LCA5: variants seen among roughly 807,000 people sequenced by gnomAD.
LCA5 encodes the protein lebercilin.
A neutral mutation model predicts 53.0 loss-of-function variants in LCA5; 37 were observed. That is an observed-to-expected ratio of 0.70 (90% CI 0.54 to 0.92). The LOEUF is 0.92. LCA5 is among the 40% of genes least tolerant of loss of function. The pLI, the probability that LCA5 is intolerant of heterozygous loss-of-function variation, is 0.00. For missense variants in LCA5, 806 were observed against 790.5 expected, an observed-to-expected ratio of 1.02 and a Z score of -0.23; for synonymous variants, 303 against 282.9, an observed-to-expected ratio of 1.07 and a Z score of -0.71.
intron 3 of LCA5, among the ~76,000 whole-genome samples, chr6:79,496,662 A>G (rs1316586446): frequency 1.3e-5 from 2 of 152,186 alleles, no homozygotes; most frequent in African/African-American, 4.8e-5. Context: ...TTAGCTGAGG[A>G]GTAGTGGGCA....
intron 3 of LCA5, among the ~76,000 whole-genome samples, chr6:79,501,329 T>C (rs900863973): frequency 1.3e-5 from 2 of 152,108 alleles, no homozygotes; most frequent in African/African-American, 2.4e-5. Flanking sequence ...ACACTAATTT[T>C]ATGCCAGAGA....
In LCA5 at chr6:79,489,975, T is replaced by G. The variant is rs377386963; in HGVS notation, c.1099-759A>C. On this transcript the variant is annotated intron_variant, in intron 6 of 7. Transcript: ENST00000369846. ...AAAACCAAATGCTGCTTCCCCTCCA[T>G]TTCCTTGTTGCCCTTTCCCACAGGG... 3.9e-5 allele frequency among the ~76,000 whole-genome samples: 6 copies of G among 152,064 alleles called. No individual in the cohort carries two copies. In the East Asian group the frequency reaches 1.2e-3, roughly 29 times the overall value.
In LCA5 at chr6:79,489,070, A is replaced by G. The variant is rs1562094302; in HGVS notation, c.1231+14T>C. 4.3e-6 allele frequency: 7 copies of G among 1,612,014 alleles called. No homozygotes were observed. Among genetic ancestry groups the G allele is most frequent in the Non-Finnish European group, 5.9e-6 (7 of 1,179,554 alleles). ...GCTGACTTGTCACATGCTTAAACAA[A>G]CTCTTTTTCTTACCATCCTCCAGCT... On this transcript the variant is annotated intron_variant, in intron 7 of 7. Coordinates refer to ENST00000369846, the MANE Select transcript of LCA5 (RefSeq NM_001122769.3).
chr6:79,526,347 A>T (rs1209411618), intron 1 of LCA5, among the ~76,000 whole-genome samples: 1 of 152,132 alleles, frequency 6.6e-6, no homozygotes, highest in Non-Finnish European at 1.5e-5. Context: ...GATGGAGACC[A>T]TCCTGGCTAA....
chr6:79,518,788 G>A lies in LCA5; in HGVS notation c.107C>T (p.Ser36Leu). The change falls in exon 2 of 8, where the codon TCA (serine) becomes TTA (leucine). Residue 36 changes from serine (S) to leucine (L), a missense_variant. Transcript: ENST00000369846. ...TGCAGGTGAAGAACTGACCAGCGAT[G>A]ATCGGCCAGAAGACTGTGGCGTTTC... ...DFETPQSSGRSSLVSSSPASV... is the reference protein window; with the variant it reads ...DFETPQSSGRLSLVSSSPASV... 1 of 1,614,130 alleles carries A rather than the reference G, an allele frequency of 6.2e-7. No individual in the cohort carries two copies. Among genetic ancestry groups the A allele is most frequent in the South Asian group, 1.1e-5 (1 of 91,076 alleles).
chr6:79,500,965 C>G (rs1770122247), intron 3 of LCA5, among the ~76,000 whole-genome samples: 1 of 152,102 alleles, frequency 6.6e-6, no homozygotes, highest in African/African-American at 2.4e-5. Context: ...TAGATGTGAT[C>G]TGACCAATAA....
At chr6:79,502,076 A>G (rs1770155685) in intron 3 of LCA5, among the ~76,000 whole-genome samples, 1 of 152,156 alleles carries the variant, frequency 6.6e-6, no homozygotes, top group South Asian at 2.1e-4. Flanking sequence ...CATCAAGCTC[A>G]CTGATTGATA....
At chr6:79,508,653 G>A (rs1286555718) in intron 3 of LCA5, among the ~76,000 whole-genome samples, 1 of 151,006 alleles carries the variant, frequency 6.6e-6, no homozygotes, top group Non-Finnish European at 1.5e-5. Context: ...CCACCACATA[G>A]ACAAGTATCC....
At position 79,485,453 on chromosome 6, in the gene LCA5, G is replaced by C. The variant is rs1769622555; in HGVS notation, c.*1551C>G. ...TTATAGTAAATGGTTATACATATCA[G>C]ACATACAAATCTATTAAGAAAACTT... is the stretch of plus-strand genomic sequence containing the variant. On this transcript the variant is annotated 3_prime_UTR_variant, in exon 8 of 8. Coordinates refer to ENST00000369846, the MANE Select transcript of LCA5 (RefSeq NM_001122769.3). 1 of 152,462 alleles carries C rather than the reference G, an allele frequency of 6.6e-6. No homozygotes were observed. Among genetic ancestry groups the C allele is most frequent in the Non-Finnish European group, 1.5e-5 (1 of 68,012 alleles). The allele number at this position is 152,462 out of a possible 1,614,324, so 9.4% of individuals were successfully genotyped here. A position where few individuals can be genotyped will look rare whatever the true frequency, so the allele number is the denominator to read the frequency against.
chr6:79,515,510 A>G (rs1766401243), intron 2 of LCA5, among the ~76,000 whole-genome samples: 1 of 152,136 alleles, frequency 6.6e-6, no homozygotes, highest in Non-Finnish European at 1.5e-5. Flanking sequence ...CTAAAAGTTC[A>G]TTAGCCTTAA....
rs1057351747 is a variant in LCA5 at position 79,485,991 on chromosome 6, A to C, written c.*1013T>G. The C allele has an allele frequency of 5.3e-5, 8 of 152,334 alleles. No homozygotes were observed. The highest frequency in any genetic ancestry group is 1.2e-4 in the Non-Finnish European group (8 of 68,026). 9.4% of individuals were successfully genotyped at this position (152,334 alleles called of 1,614,324 possible). On this transcript the variant is annotated 3_prime_UTR_variant, in exon 8 of 8. Coordinates refer to ENST00000369846, the MANE Select transcript of LCA5 (RefSeq NM_001122769.3). ...CAACAAGGCAGAAGTCCTATGTCTG[A>C]AACACTTCTATTCAAAGTTGCTTTA...
intron 6 of LCA5, 45 bp from the exon 7 acceptor site, chr6:79,489,261 G>C (rs959791099): frequency 6.3e-7 from 1 of 1,586,138 alleles, no homozygotes. Flanking sequence ...TTATAGAAAA[G>C]GGGGGGAACT....
At chr6:79,488,979 A>G in intron 7 of LCA5, 105 bp downstream of exon 7, 1 of 1,290,410 alleles carries the variant, frequency 7.7e-7, no homozygotes, top group African/African-American at 1.5e-5. Flanking sequence ...TCTTTGTTCT[A>G]CCTAAGCAAT....
chr6:79,530,421 C>T (rs1766924023), intron 1 of LCA5, among the ~76,000 whole-genome samples: 1 of 151,988 alleles, frequency 6.6e-6, no homozygotes, highest in Admixed American at 6.6e-5. Flanking sequence ...GGCTTAATAC[C>T]TGGGTGATGA....
At position 79,489,115 on chromosome 6, in the gene LCA5, G is replaced by A. The variant is rs759198336; in HGVS notation, c.1200C>T (p.Val400=). The A allele has an allele frequency of 1.5e-5, 24 of 1,612,966 alleles. No homozygotes were observed. The highest frequency in any genetic ancestry group is 3.3e-5 in the South Asian group (3 of 91,062). ...EKFVTDEELH[V]VKQEVEKLED... ...CCAGCTTTTCAACCTCCTGTTTTAC[G>A]ACATGGAGTTCTTCATCTGTAACAA... The change falls in exon 7 of 8, where the codon GTC becomes GTT. Residue 400 remains valine, a synonymous_variant. Coordinates refer to ENST00000369846, the MANE Select transcript of LCA5 (RefSeq NM_001122769.3).
chr6:79,492,473 C>T (rs541647364), intron 5 of LCA5, 78 bp downstream of exon 5: 2 of 649,022 alleles, frequency 3.1e-6, no homozygotes, highest in Admixed American at 2.7e-5. Context: ...CTTTTCCTTC[C>T]CTTCCATTTC....
chr6:79,496,681 TA>T (rs910081554), intron 3 of LCA5, among the ~76,000 whole-genome samples: 1 of 152,014 alleles, frequency 6.6e-6, no homozygotes, highest in Non-Finnish European at 1.5e-5. Flanking sequence ...CAGGGATTGA[TA>T]AAAGGGGGAG....
At chr6:79,528,906 C>T (rs971770626) in intron 1 of LCA5, among the ~76,000 whole-genome samples, 4 of 152,128 alleles carry the variant, frequency 2.6e-5, no homozygotes, top group Admixed American at 1.3e-4. Context: ...ACAATACTGC[C>T]CCAAATGTAA....
chr6:79,496,975 T>C (rs1308352346), intron 3 of LCA5, among the ~76,000 whole-genome samples: 1 of 152,236 alleles, frequency 6.6e-6, no homozygotes, highest in Non-Finnish European at 1.5e-5. Context: ...AATTTGTTTT[T>C]CTTTGATTAC....
Sources: allele counts gnomAD v4.1 joint callset (sites outside exome capture counted in the v4.1 genomes callset), GRCh38; gene constraint gnomAD v4.1.1; transcripts MANE v1.5; gene names NCBI Gene and HGNC (gene_info 2026-07-23, HGNC 2026-07-21).